GINM1: variants seen among roughly 807,000 people sequenced by gnomAD.
The protein encoded by GINM1 is glycosylated integral membrane protein 1.
In GINM1, 29 loss-of-function variants were observed where a neutral mutation model predicts 37.8. That is an observed-to-expected ratio of 0.77 (90% CI 0.57 to 1.05). GINM1 has a LOEUF of 1.05. Ranked by LOEUF, GINM1 falls within the 50% of genes least tolerant of loss-of-function variation. The probability of loss-of-function intolerance (pLI) is 0.00; values close to 1 mark genes in which losing one functional copy is unlikely to be tolerated. For synonymous variants in GINM1, 143 were observed against 146.2 expected, an observed-to-expected ratio of 0.98 and a Z score of 0.16; for missense variants, 377 against 397.9, an observed-to-expected ratio of 0.95 and a Z score of 0.45.
intron 3 of GINM1, chr6:149,576,255 A>C (rs1229105713): frequency 5.9e-5 from 9 of 152,032 alleles, no homozygotes; most frequent in Admixed American, 5.2e-4. Flanking sequence ...TCCTCACCAG[A>C]TGTTGGTTGA....
chr6:149,590,763 T>G lies in GINM1; in HGVS notation c.918T>G (p.Pro306=). The G allele has an allele frequency of 6.3e-7, 1 of 1,597,278 alleles. No homozygotes were observed. The highest frequency in any genetic ancestry group is 1.1e-5 in the South Asian group (1 of 90,506). ...ILQLDKVDVI[P]VTAINLYPDG... Reference sequence around the variant, plus strand: ...AGTTGGATAAAGTGGACGTCATACCTGTGACAGCTATCAACTTATATCCAG... The same window carrying G: ...AGTTGGATAAAGTGGACGTCATACCGGTGACAGCTATCAACTTATATCCAG... The change falls in exon 8 of 8, where the codon CCT becomes CCG. Residue 306 remains proline (P), a synonymous_variant. Transcript: ENST00000367419.
Position 149,589,862 on chromosome 6 carries a change from G to A in GINM1, c.882-865G>A, listed in dbSNP as rs564258603. Among the ~76,000 whole-genome samples, 5 of 151,518 alleles carry A rather than the reference G, an allele frequency of 3.3e-5. No homozygotes were observed. In the East Asian group the frequency reaches 5.9e-4, roughly 18 times the overall value. On this transcript the variant is annotated intron_variant, in intron 7 of 7. Coordinates refer to ENST00000367419, the MANE Select transcript of GINM1 (RefSeq NM_138785.5). Reference sequence around the variant, plus strand: ...CACCCAGGCGGCAGTGCAGTGGCACGATCTCGGCTCACTGCAACCTCCACT... The same window carrying A: ...CACCCAGGCGGCAGTGCAGTGGCACAATCTCGGCTCACTGCAACCTCCACT...
At chr6:149,575,938 T>C (rs1777908023) in intron 3 of GINM1, among the ~76,000 whole-genome samples, 1 of 152,216 alleles carries the variant, frequency 6.6e-6, no homozygotes, top group Non-Finnish European at 1.5e-5. Flanking sequence ...AGCAAGAATC[T>C]TCAAAACATT....
At chr6:149,577,002 T>C (rs958228159) in intron 3 of GINM1, among the ~76,000 whole-genome samples, 1 of 152,104 alleles carries the variant, frequency 6.6e-6, no homozygotes, top group African/African-American at 2.4e-5. Context: ...GGAGCCAGTA[T>C]CTCACATGGC....
chr6:149,568,242 C>T (rs1171338563), intron 1 of GINM1, among the ~76,000 whole-genome samples: 1 of 152,224 alleles, frequency 6.6e-6, no homozygotes, highest in Non-Finnish European at 1.5e-5. Flanking sequence ...ATAGCAAGAG[C>T]CTGTCTCAAC....
chr6:149,583,109 A>G (rs549169023), intron 7 of GINM1, among the ~76,000 whole-genome samples: 1 of 152,300 alleles, frequency 6.6e-6, no homozygotes, highest in Admixed American at 6.5e-5. Context: ...CAGGTGGATC[A>G]TGAGGTCAAG....
At chr6:149,589,314 C>G (rs971094165) in intron 7 of GINM1, among the ~76,000 whole-genome samples, 1 of 151,558 alleles carries the variant, frequency 6.6e-6, no homozygotes, top group East Asian at 1.9e-4. Context: ...GCTTTGTTGC[C>G]CAGGCTAGAG....
At chr6:149,570,182 ATATATATATATATAT>A (rs1777794610) in intron 1 of GINM1, among the ~76,000 whole-genome samples, 4 of 106,604 alleles carry the variant, frequency 3.8e-5, no homozygotes, top group Non-Finnish European at 7.7e-5. Flanking sequence ...ATATATATAT[ATATATATATATATAT>A]AAAGTTCAGT....
intron 7 of GINM1, among the ~76,000 whole-genome samples, chr6:149,587,860 T>C (rs1379271042): frequency 6.6e-6 from 1 of 152,166 alleles, no homozygotes; most frequent in Non-Finnish European, 1.5e-5. Context: ...GGCAACCAGC[T>C]CCCCTGTTGA....
intron 3 of GINM1, chr6:149,575,966 C>A (rs180673900): frequency 6.6e-6 from 1 of 152,292 alleles, no homozygotes; most frequent in African/African-American, 2.4e-5. Context: ...GCAACAACAA[C>A]AAATCTTCTT....
chr6:149,588,788 T>G (rs1194610795), intron 7 of GINM1, among the ~76,000 whole-genome samples: 4 of 150,870 alleles, frequency 2.7e-5, no homozygotes, highest in Non-Finnish European at 5.9e-5. Flanking sequence ...CCACCCTGCC[T>G]GGCTAATTTG....
chr6:149,590,539 C>G (rs1249109510), intron 7 of GINM1, among the ~76,000 whole-genome samples, 188 bp from the exon 8 acceptor site: 1 of 152,170 alleles, frequency 6.6e-6, no homozygotes, highest in Non-Finnish European at 1.5e-5. Flanking sequence ...TTTCTATTCT[C>G]TCAGCCAGTT....
At chr6:149,585,153 T>C (rs988325945) in intron 7 of GINM1, among the ~76,000 whole-genome samples, 6 of 152,242 alleles carry the variant, frequency 3.9e-5, no homozygotes, top group Non-Finnish European at 7.3e-5. Flanking sequence ...AACGGTGTTG[T>C]AATGTTTTTC....
In GINM1 at chr6:149,579,950, C is replaced by T. The variant is rs1562272236; in HGVS notation, c.546C>T (p.Asp182=). The stretch of plus-strand genomic sequence containing the variant: ...GCATGCTCTACTCTATTTCTCGAGA[C>T]AGTGACATTTTATTTACCCTTCCTA... ...EESMLYSISR[D]SDILFTLPNL... Residue 182 remains aspartate (D), a synonymous_variant, in exon 5 of 8, where the codon GAC becomes GAT. Transcript: ENST00000367419. 1 of 1,609,742 alleles carries T rather than the reference C, an allele frequency of 6.2e-7. No homozygotes were observed. The highest frequency in any genetic ancestry group is 8.5e-7 in the Non-Finnish European group (1 of 1,177,218).
chr6:149,589,917 G>C (rs1400506455), intron 7 of GINM1, among the ~76,000 whole-genome samples: 2 of 152,132 alleles, frequency 1.3e-5, no homozygotes, highest in Non-Finnish European at 2.9e-5. Flanking sequence ...TCCCACCTCA[G>C]CCTCCTGAAT....
chr6:149,574,832 T>A (rs936465730), intron 3 of GINM1, among the ~76,000 whole-genome samples: 1 of 152,204 alleles, frequency 6.6e-6, no homozygotes, highest in African/African-American at 2.4e-5. Flanking sequence ...TGTACCACTG[T>A]AGTCCATCCT....
chr6:149,573,810 G>A (rs1777867669), intron 3 of GINM1, among the ~76,000 whole-genome samples: 1 of 151,180 alleles, frequency 6.6e-6, no homozygotes, highest in South Asian at 2.1e-4. Flanking sequence ...GGGCAACAGA[G>A]TAAGACCCTG....
chr6:149,584,169 T>C (rs1017350580), intron 7 of GINM1, among the ~76,000 whole-genome samples: 12 of 151,726 alleles, frequency 7.9e-5, no homozygotes, highest in African/African-American at 2.7e-4. Context: ...AGAGATGGGG[T>C]TTTTCCACGT....
chr6:149,589,744 C>T (rs1309143463), intron 7 of GINM1, among the ~76,000 whole-genome samples: 3 of 152,116 alleles, frequency 2.0e-5, no homozygotes, highest in Non-Finnish European at 4.4e-5. Context: ...TGTTTTCTGT[C>T]CTAGTGATCT....
Sources: allele counts gnomAD v4.1 joint callset (sites outside exome capture counted in the v4.1 genomes callset), GRCh38; gene constraint gnomAD v4.1.1; transcripts MANE v1.5; gene names NCBI Gene and HGNC (gene_info 2026-07-23, HGNC 2026-07-21).